PKD1L3: variants seen among roughly 807,000 people sequenced by gnomAD.
PKD1L3 encodes the protein polycystin-1-like protein 3.
In PKD1L3, 239 loss-of-function variants were observed where a neutral mutation model predicts 184.1. The observed-to-expected ratio is 1.30, with a 90% CI of 1.17 to 1.45. PKD1L3 has a LOEUF of 1.45. Among genes scored for constraint, PKD1L3 ranks in the 40% most tolerant of loss-of-function variants. PKD1L3 has a pLI of 0.00. For missense variants in PKD1L3, 2,660 were observed against 2,067.2 expected, an observed-to-expected ratio of 1.29 and a Z score of -5.56; for synonymous variants, 996 against 778.8, an observed-to-expected ratio of 1.28 and a Z score of -4.64.
intron 16 of PKD1L3, among the ~76,000 whole-genome samples, chr16:71,961,963 C>T (rs1441694671): frequency 1.3e-5 from 2 of 152,156 alleles, no homozygotes; most frequent in Non-Finnish European, 2.9e-5. Flanking sequence ...TTGATAGAGC[C>T]ACTGAGGCTG....
intron 4 of PKD1L3, among the ~76,000 whole-genome samples, chr16:71,988,502 G>A (rs559603734): frequency 1.3e-5 from 2 of 152,280 alleles, no homozygotes; most frequent in African/African-American, 4.8e-5. Flanking sequence ...GCCAGCAAAC[G>A]TGAAAGTTCA....
At chr16:71,990,524 G>A (rs1292762674) in intron 3 of PKD1L3, among the ~76,000 whole-genome samples, 195 bp from the exon 4 acceptor site, 1 of 152,160 alleles carries the variant, frequency 6.6e-6, no homozygotes, top group Non-Finnish European at 1.5e-5. Flanking sequence ...CTTGAGGTCA[G>A]GAGTTTGAGA....
intron 21 of PKD1L3, among the ~76,000 whole-genome samples, chr16:71,948,921 C>T (rs921668847): frequency 1.3e-5 from 2 of 151,336 alleles, no homozygotes; most frequent in East Asian, 1.9e-4. Context: ...TCATCACCCC[C>T]AAAATTCCCT....
At chr16:71,933,629 G>C in intron 27 of PKD1L3, 108 bp from the exon 28 acceptor site, 4 of 862,960 alleles carry the variant, frequency 4.6e-6, no homozygotes, top group Non-Finnish European at 7.5e-6. Flanking sequence ...GAAATTCCTT[G>C]TGGCCAAATT....
At chr16:71,938,562 T>C (rs979716230) in intron 24 of PKD1L3, among the ~76,000 whole-genome samples, 1 of 152,306 alleles carries the variant, frequency 6.6e-6, no homozygotes, top group East Asian at 1.9e-4. Flanking sequence ...ACTAACTCAA[T>C]TGAGAACTTA....
chr16:71,972,969 T>A (rs182671902), intron 12 of PKD1L3, among the ~76,000 whole-genome samples: 1 of 152,370 alleles, frequency 6.6e-6, no homozygotes, highest in East Asian at 1.9e-4. Flanking sequence ...TCTTGAGCTA[T>A]GAAAGTTCTC....
At chr16:71,934,723 T>G (rs1291611352) in intron 26 of PKD1L3, among the ~76,000 whole-genome samples, 2 of 152,184 alleles carry the variant, frequency 1.3e-5, no homozygotes, top group African/African-American at 4.8e-5. Context: ...CAAGTGGCAC[T>G]CTGCACAGAT....
In PKD1L3 at chr16:71,932,780, CTTTT is replaced by C. The variant is rs71153681; in HGVS notation, c.4926+636_4926+639del. ...ATAGGCATGAGCCACCGCACCTGGCCTTTTTTTTTTTTTTTTTTTTTTTTTAATT... is the reference window on the plus strand; with the variant it reads ...ATAGGCATGAGCCACCGCACCTGGCCTTTTTTTTTTTTTTTTTTTTTAATT... On this transcript the variant is annotated intron_variant, in intron 28 of 29. Coordinates refer to ENST00000620267, the MANE Select transcript of PKD1L3 (RefSeq NM_181536.2). 9.8e-3 allele frequency among the ~76,000 whole-genome samples: 953 copies of C among 97,080 alleles called. 14 individuals carry two copies. The highest frequency in any genetic ancestry group is 0.034 in the East Asian group (112 of 3,324). The allele number at this position is 97,080 out of a possible 152,430, so 63.7% of individuals were successfully genotyped here. A position where few individuals can be genotyped will look rare whatever the true frequency, so the allele number is the denominator to read the frequency against.
intron 10 of PKD1L3, 63 bp downstream of exon 10, chr16:71,978,192 C>A: frequency 6.7e-7 from 1 of 1,495,556 alleles, no homozygotes; most frequent in Non-Finnish European, 9.1e-7. Context: ...TTGTTGCATC[C>A]TTCCATCCTG....
At chr16:71,964,376 T>C (rs1183384648) in intron 15 of PKD1L3, among the ~76,000 whole-genome samples, 1 of 128,354 alleles carries the variant, frequency 7.8e-6, no homozygotes, top group African/African-American at 3.0e-5. Context: ...TTTCACTCTC[T>C]TGCACAGGCT....
intron 17 of PKD1L3, 148 bp downstream of exon 17, chr16:71,953,957 T>C: frequency 1.7e-6 from 1 of 599,216 alleles, no homozygotes. Flanking sequence ...GACTCGTGCC[T>C]GTAATCCTAG....
intron 19 of PKD1L3, among the ~76,000 whole-genome samples, chr16:71,950,899 ATT>A (rs781559242): frequency 4.3e-5 from 6 of 140,056 alleles, no homozygotes; most frequent in Non-Finnish European, 4.7e-5. Context: ...TGACCAGCTA[ATT>A]TTTTTTTTTT....
intron 15 of PKD1L3, among the ~76,000 whole-genome samples, chr16:71,963,966 A>G (rs2039391827): frequency 6.6e-6 from 1 of 152,014 alleles, no homozygotes; most frequent in Non-Finnish European, 1.5e-5. Context: ...CAAATATCCC[A>G]TCTGCCTTTC....
chr16:71,962,845 T>C (rs2039335025), intron 16 of PKD1L3, among the ~76,000 whole-genome samples: 1 of 152,190 alleles, frequency 6.6e-6, no homozygotes, highest in Non-Finnish European at 1.5e-5. Flanking sequence ...TTTATTTTTA[T>C]ATTTTGTTCT....
intron 22 of PKD1L3, among the ~76,000 whole-genome samples, chr16:71,945,336 A>C (rs2038551052): frequency 8.3e-6 from 1 of 120,090 alleles, no homozygotes; most frequent in South Asian, 3.0e-4. Flanking sequence ...ATACACACAC[A>C]CACACATATA....
At chr16:71,953,477 T>C (rs548447647) in intron 17 of PKD1L3, among the ~76,000 whole-genome samples, 8 of 150,584 alleles carry the variant, frequency 5.3e-5, no homozygotes, top group Non-Finnish European at 1.0e-4. Context: ...AAACCTTACA[T>C]GGCATTACAA....
At chr16:71,954,887 A>C (rs888836202) in intron 16 of PKD1L3, among the ~76,000 whole-genome samples, 3 of 152,192 alleles carry the variant, frequency 2.0e-5, no homozygotes, top group Admixed American at 6.5e-5. Context: ...ACTTTTGTAC[A>C]GTAACTGAAA....
At chr16:71,954,442 A>G (rs1367098127) in intron 16 of PKD1L3, 141 bp from the exon 17 acceptor site, 1 of 544,072 alleles carries the variant, frequency 1.8e-6, no homozygotes, top group African/African-American at 1.9e-5. Flanking sequence ...GCTTTCAGAT[A>G]TTTTAATTCT....
chr16:71,935,321 G>C (rs1299487565), intron 26 of PKD1L3, 37 bp downstream of exon 26: 9 of 1,530,934 alleles, frequency 5.9e-6, no homozygotes, highest in Admixed American at 2.1e-5. Context: ...TTAGACATGA[G>C]GTAGGAATAT....
Sources: allele counts gnomAD v4.1 joint callset (sites outside exome capture counted in the v4.1 genomes callset), GRCh38; gene constraint gnomAD v4.1.1; transcripts MANE v1.5; gene names NCBI Gene and HGNC (gene_info 2026-07-23, HGNC 2026-07-21).